The following SNX14 variants were observed in gnomAD, a reference collection of about 807,000 sequenced individuals.
The protein encoded by SNX14 is sorting nexin-14.
Under a neutral mutation model 133.8 loss-of-function variants are expected in SNX14, and 93 were observed. The ratio of observed to expected loss-of-function variants is 0.70; its 90% confidence interval spans 0.59 to 0.83. SNX14 has a LOEUF of 0.83. Among genes scored for constraint, SNX14 ranks in the 40% least tolerant of loss-of-function variants. The pLI, the probability that SNX14 is intolerant of heterozygous loss-of-function variation, is 0.00. For missense variants in SNX14, 945 were observed against 1,094.9 expected, an observed-to-expected ratio of 0.86 and a Z score of 1.93; for synonymous variants, 368 against 365.6, an observed-to-expected ratio of 1.01 and a Z score of -0.07.
At chr6:85,571,335 G>T (rs950239495) in intron 4 of SNX14, among the ~76,000 whole-genome samples, 2 of 150,776 alleles carry the variant, frequency 1.3e-5, no homozygotes, top group African/African-American at 4.9e-5. Context: ...ACTCCGGCCT[G>T]GGTGGCAGAG....
intron 1 of SNX14, among the ~76,000 whole-genome samples, chr6:85,583,803 G>A (rs535106910): frequency 2.6e-5 from 4 of 152,012 alleles, no homozygotes; most frequent in Admixed American, 1.3e-4. Context: ...AATCAATATC[G>A]TGAAAATGGC....
intron 17 of SNX14, 86 bp from the exon 18 acceptor site, chr6:85,533,886 C>G (rs1002327567): frequency 2.1e-5 from 21 of 986,700 alleles, no homozygotes; most frequent in Non-Finnish European, 4.5e-6. Context: ...AGTAATATGC[C>G]CATATCAATT....
intron 1 of SNX14, 41 bp downstream of exon 1, chr6:85,593,538 C>T (rs1343638990): frequency 3.8e-6 from 6 of 1,579,748 alleles, no homozygotes; most frequent in Non-Finnish European, 4.3e-6. Context: ...TCTGCACCTT[C>T]GGAGAAAAGC....
At chr6:85,534,940 A>G (rs1165309020) in intron 17 of SNX14, among the ~76,000 whole-genome samples, 3 of 149,442 alleles carry the variant, frequency 2.0e-5, no homozygotes, top group Non-Finnish European at 4.4e-5. Flanking sequence ...GTTCTATATT[A>G]TTAAAAAACT....
chr6:85,588,339 C>T (rs1305562691), intron 1 of SNX14, among the ~76,000 whole-genome samples: 8 of 151,714 alleles, frequency 5.3e-5, no homozygotes, highest in Middle Eastern at 3.4e-3. Context: ...TTTGGGAGGC[C>T]GAGGCAGGCA....
intron 18 of SNX14, among the ~76,000 whole-genome samples, chr6:85,533,075 T>C (rs1050805641): frequency 3.3e-5 from 5 of 152,056 alleles, no homozygotes; most frequent in Admixed American, 1.3e-4. Flanking sequence ...TTAGTAGATA[T>C]AGGGTTTCGC....
intron 1 of SNX14, 49 bp from the exon 2 acceptor site, chr6:85,574,427 T>C: frequency 7.3e-7 from 1 of 1,363,678 alleles, no homozygotes; most frequent in South Asian, 1.5e-5. Flanking sequence ...AATGCCTAAT[T>C]CTAAGTTACC....
chr6:85,587,070 G>A (rs2842609), intron 1 of SNX14, among the ~76,000 whole-genome samples: 39,648 of 151,856 alleles, frequency 0.26, 6,494 homozygotes, highest in East Asian at 0.4. Flanking sequence ...GAGAGAGACA[G>A]TGTTTTTCTA....
intron 20 of SNX14, among the ~76,000 whole-genome samples, 193 bp downstream of exon 20, chr6:85,528,069 A>G (rs1779048735): frequency 6.6e-6 from 1 of 152,084 alleles, no homozygotes; most frequent in Admixed American, 6.6e-5. Flanking sequence ...ATTTCATTCA[A>G]TTTGGAGGGA....
At chr6:85,550,760 A>C (rs1175969697) in intron 7 of SNX14, among the ~76,000 whole-genome samples, 10 of 151,880 alleles carry the variant, frequency 6.6e-5, no homozygotes, top group Middle Eastern at 6.9e-3. Flanking sequence ...CGGCCTCCCA[A>C]ATTGCTGGGA....
At chr6:85,521,664 T>G (rs1337564786) in intron 21 of SNX14, among the ~76,000 whole-genome samples, 4 of 152,166 alleles carry the variant, frequency 2.6e-5, no homozygotes, top group African/African-American at 9.7e-5. Context: ...TTTATTAGAT[T>G]GGTGCAAAAG....
At chr6:85,538,802 T>G in intron 16 of SNX14, 36 bp downstream of exon 16, 1 of 1,571,616 alleles carries the variant, frequency 6.4e-7, no homozygotes, top group Non-Finnish European at 8.6e-7. Context: ...TCTAAAAACA[T>G]TTAATACTGA....
intron 6 of SNX14, chr6:85,561,066 G>T (rs1239935949): frequency 6.7e-6 from 1 of 150,106 alleles, no homozygotes; most frequent in East Asian, 2.0e-4. Context: ...GGGCACGGTG[G>T]CTCACATCTG....
At position 85,533,642 on chromosome 6, in the gene SNX14, A is replaced by T. The variant is rs1414475617; in HGVS notation, c.1767T>A (p.Ile589=). ...SSERKEKKER[I]PVFCIDVERN... ...TTTCAACATCAATACAAAACACAGGAATTCTTTCTTTTTTCTCCTTCCTTT... is the reference window on the plus strand; with the variant it reads ...TTTCAACATCAATACAAAACACAGGTATTCTTTCTTTTTTCTCCTTCCTTT... The change falls in exon 18 of 29, where the codon ATT becomes ATA. Residue 589 remains isoleucine (I), a synonymous_variant. Transcript: ENST00000314673. 3 of 1,613,722 alleles carry T rather than the reference A, an allele frequency of 1.9e-6. No individual in the cohort carries two copies. The highest frequency in any genetic ancestry group is 1.6e-4 in the Middle Eastern group (1 of 6,062).
intron 21 of SNX14, 151 bp downstream of exon 21, chr6:85,525,975 T>A: frequency 2.1e-6 from 1 of 471,454 alleles, no homozygotes; most frequent in Non-Finnish European, 3.7e-6. Flanking sequence ...ATGGACAGAT[T>A]AAGGTCAGCA....
In SNX14 at chr6:85,526,248, C is replaced by T. The variant is rs752097579; in HGVS notation, c.1996-11G>A. 3 of 1,529,890 alleles carry T rather than the reference C, an allele frequency of 2.0e-6. No individual in the cohort carries two copies. The highest frequency in any genetic ancestry group is 2.7e-6 in the Non-Finnish European group (3 of 1,129,798). 94.8% of individuals were successfully genotyped at this position (1,529,890 alleles called of 1,614,324 possible). Reference sequence around the variant, plus strand: ...ATGCTGCAGAAGTTTCTTGAATGAACAAAAAAAACGGAAAACACAGTTTAG... The same window carrying T: ...ATGCTGCAGAAGTTTCTTGAATGAATAAAAAAAACGGAAAACACAGTTTAG... On this transcript the variant is annotated splice_polypyrimidine_tract_variant and intron_variant, in intron 20 of 28. Transcript: ENST00000314673.
chr6:85,511,606 TG>T (rs1168421212), intron 26 of SNX14, among the ~76,000 whole-genome samples: 2 of 152,220 alleles, frequency 1.3e-5, no homozygotes, highest in Admixed American at 6.5e-5. Flanking sequence ...AGATCATAAG[TG>T]GGTGTTAGAT....
intron 26 of SNX14, among the ~76,000 whole-genome samples, chr6:85,512,660 G>A (rs578197657): frequency 3.7e-4 from 56 of 151,178 alleles, no homozygotes; most frequent in African/African-American, 1.2e-3. Context: ...GTAACCCCAT[G>A]ACTTGGTTCC....
chr6:85,588,825 C>T (rs1163201031), intron 1 of SNX14: 1 of 452,848 alleles, frequency 2.2e-6, no homozygotes, highest in East Asian at 7.0e-5. Context: ...AAACAACATG[C>T]TATTAAGAAT....
Sources: allele counts gnomAD v4.1 joint callset (sites outside exome capture counted in the v4.1 genomes callset), GRCh38; gene constraint gnomAD v4.1.1; transcripts MANE v1.5; gene names NCBI Gene and HGNC (gene_info 2026-07-23, HGNC 2026-07-21).